PHLDB1: variants seen among roughly 807,000 people sequenced by gnomAD.
PHLDB1 encodes the protein pleckstrin homology-like domain family B member 1.
A neutral mutation model predicts 139.3 loss-of-function variants in PHLDB1; 65 were observed. That is an observed-to-expected ratio of 0.47 (90% CI 0.38 to 0.57). PHLDB1 has a LOEUF of 0.57. Among genes scored for constraint, PHLDB1 ranks in the 20% least tolerant of loss-of-function variants. PHLDB1 has a pLI of 0.00. For missense variants in PHLDB1, 1,624 were observed against 1,839.7 expected (o/e 0.88, Z 2.14); for synonymous variants, 679 against 734.5 (o/e 0.92, Z 1.22).
At chr11:118,629,838 C>T in intron 6 of PHLDB1, 1 of 368,626 alleles carries the variant, frequency 2.7e-6, no homozygotes, top group South Asian at 2.2e-5. Flanking sequence ...ACTCCTCCAT[C>T]AGTTTTCCCA....
Position 118,607,687 on chromosome 11 carries a change from C to CG in PHLDB1, c.-34_-33insG, listed in dbSNP as rs1339982897. Reference sequence around the variant, plus strand: ...AAGGGACCAGTGTCTCCCTGCCCCCCCCCCACCTCTAGGTAAGAGCGCCCC... The same window carrying CG: ...AAGGGACCAGTGTCTCCCTGCCCCCCGCCCCACCTCTAGGTAAGAGCGCCCC... On this transcript the variant is annotated 5_prime_UTR_variant, in exon 1 of 23. Coordinates refer to ENST00000600882, the MANE Select transcript of PHLDB1 (RefSeq NM_001144758.3). The CG allele has an allele frequency of 3.3e-5, 5 of 151,438 alleles. No homozygotes were observed. Among genetic ancestry groups the CG allele is most frequent in the Non-Finnish European group, 7.3e-5 (5 of 68,070 alleles). The allele number at this position is 151,438 out of a possible 1,614,324, so 9.4% of individuals were successfully genotyped here.
intron 20 of PHLDB1, chr11:118,652,928 C>T (rs1555138673): frequency 6.6e-6 from 1 of 152,446 alleles, no homozygotes; most frequent in African/African-American, 2.4e-5. Context: ...GGAAGGAAGC[C>T]AGCCAAAGGA....
In PHLDB1 at chr11:118,608,369, C is replaced by T. The variant is rs1321334547; in HGVS notation, c.-22+670C>T. Among the ~76,000 whole-genome samples, 1 of 152,150 alleles carries T rather than the reference C, an allele frequency of 6.6e-6. No individual in the cohort carries two copies. The highest frequency in any genetic ancestry group is 1.5e-5 in the Non-Finnish European group (1 of 67,994). ...GCCCGCGCGGTCCCTATTGGAATCC[C>T]TAGCGGAGTTCCCCGAGCGGAGGCT... On this transcript the variant is annotated intron_variant, in intron 1 of 22. Transcript: ENST00000600882. The surrounding 1 kb of genome is among the most constrained non-coding windows in gnomAD (Gnocchi z 6.7).
intron 15 of PHLDB1, chr11:118,644,648 C>T (rs782231962): frequency 1.0e-5 from 13 of 1,288,946 alleles, no homozygotes; most frequent in South Asian, 7.4e-5. Context: ...CCACGCCAGT[C>T]GAGTCGCTTC....
At chr11:118,635,237 G>GCAAGGC (rs781823213) in intron 9 of PHLDB1, 156 bp from the exon 10 acceptor site, 38 of 888,530 alleles carry the variant, frequency 4.3e-5, no homozygotes, top group Admixed American at 7.4e-5. Flanking sequence ...CCGCAAAAGG[G>GCAAGGC]CAAGGCCAAG....
At chr11:118,635,326 C>T in intron 9 of PHLDB1, 67 bp from the exon 10 acceptor site, 1 of 1,498,238 alleles carries the variant, frequency 6.7e-7, no homozygotes, top group African/African-American at 1.4e-5. Flanking sequence ...GCCCCTGTGG[C>T]CTGGTCTTCC....
At chr11:118,622,392 C>G (rs545193371) in intron 4 of PHLDB1, among the ~76,000 whole-genome samples, 3 of 152,344 alleles carry the variant, frequency 2.0e-5, no homozygotes, top group Admixed American at 1.3e-4. Context: ...CTGGGCTGCT[C>G]TCAGTCCTGC....
At chr11:118,624,754 C>A (rs1330088618) in intron 4 of PHLDB1, 180 bp from the exon 5 acceptor site, 2 of 580,652 alleles carry the variant, frequency 3.4e-6, no homozygotes, top group South Asian at 1.9e-5. Flanking sequence ...GGATTACAGG[C>A]GTCCACCACC....
chr11:118,635,673 A>G, intron 10 of PHLDB1, 125 bp downstream of exon 10: 1 of 849,974 alleles, frequency 1.2e-6, no homozygotes, highest in Non-Finnish European at 1.7e-6. Flanking sequence ...TAAAATGAGA[A>G]TTACAACAGG....
Position 118,627,946 on chromosome 11 carries a change from CCCA to C in PHLDB1, c.1127_1129del (p.Thr376del). On this transcript the variant is annotated inframe_deletion, in exon 6 of 23. Transcript: ENST00000600882. ...CCCAGCTTCTGGTGCTCTCAGTCAA[CCCA>C]CCAGCATTCCTGGCAGCCCCAAGTT... 6.2e-7 allele frequency: 1 copy of C among 1,613,552 alleles called. No homozygotes were observed. Among genetic ancestry groups the C allele is most frequent in the Non-Finnish European group, 8.5e-7 (1 of 1,180,000 alleles).
In PHLDB1 at chr11:118,625,102, T is replaced by TGCA. The variant is rs781956506; in HGVS notation, c.481+48_481+50dup. The TGCA allele has an allele frequency of 3.0e-5, 46 of 1,546,600 alleles. No individual in the cohort carries two copies. The South Asian group carries it at 5.7e-4, about 19-fold the overall frequency. ...CAGGGTGCTGGGTTGATGGTGTTCCTGCAGCAGTCCTCCTCCTTGCTCACT... is the reference window on the plus strand; with the variant it reads ...CAGGGTGCTGGGTTGATGGTGTTCCTGCAGCAGCAGTCCTCCTCCTTGCTCACT... On this transcript the variant is annotated intron_variant, in intron 5 of 22. Coordinates refer to ENST00000600882, the MANE Select transcript of PHLDB1 (RefSeq NM_001144758.3).
At chr11:118,609,640 G>A (rs782253173) in intron 1 of PHLDB1, among the ~76,000 whole-genome samples, 2 of 152,228 alleles carry the variant, frequency 1.3e-5, no homozygotes, top group South Asian at 4.1e-4. Flanking sequence ...AACGGGCGGT[G>A]TCTGTGGGGG....
At position 118,647,927 on chromosome 11, in the gene PHLDB1, C is replaced by T. The variant is rs1555130805; in HGVS notation, c.3508-3C>T. 6.4e-7 allele frequency: 1 copy of T among 1,562,988 alleles called. No homozygotes were observed. The highest frequency in any genetic ancestry group is 8.7e-7 in the Non-Finnish European group (1 of 1,154,196). On this transcript the variant is annotated splice_polypyrimidine_tract_variant and splice_region_variant and intron_variant, in intron 17 of 22. Coordinates refer to ENST00000600882, the MANE Select transcript of PHLDB1 (RefSeq NM_001144758.3). Reference sequence around the variant, plus strand: ...GGTGCTGACCCCTTGGCTTTGGGGGCAGGAGCGGGAGATGGAGCTGCGGCG... The same window carrying T: ...GGTGCTGACCCCTTGGCTTTGGGGGTAGGAGCGGGAGATGGAGCTGCGGCG...
Position 118,650,858 on chromosome 11 carries a change from G to A in PHLDB1, c.3874+311G>A, listed in dbSNP as rs573531197. The A allele has an allele frequency of 5.1e-6, 2 of 389,000 alleles. No homozygotes were observed. Among genetic ancestry groups the A allele is most frequent in the East Asian group, 1.1e-4 (2 of 18,038 alleles). The allele number at this position is 389,000 out of a possible 1,614,324, so 24.1% of individuals were successfully genotyped here. On this transcript the variant is annotated intron_variant, in intron 20 of 22. Coordinates refer to ENST00000600882, the MANE Select transcript of PHLDB1 (RefSeq NM_001144758.3). The surrounding 1 kb of genome is among the most constrained non-coding windows in gnomAD (Gnocchi z 4.7). ...AGCTTATAATCAGGGAAGCAGACAA[G>A]AGTGATAACCACGCACAATGGGTAT...
intron 21 of PHLDB1, 44 bp from the exon 22 acceptor site, chr11:118,655,816 C>G: frequency 1.3e-6 from 2 of 1,587,202 alleles, no homozygotes; most frequent in Non-Finnish European, 1.7e-6. Flanking sequence ...AGTCCTTGTT[C>G]TCTTTGTCAA....
intron 1 of PHLDB1, among the ~76,000 whole-genome samples, chr11:118,612,532 C>T (rs959320652): frequency 6.6e-6 from 1 of 152,160 alleles, no homozygotes; most frequent in Non-Finnish European, 1.5e-5. Context: ...AGGTTAATGG[C>T]GTTTTCCCTC....
chr11:118,630,128 G>A lies in PHLDB1; in HGVS notation c.1828-1079G>A, dbSNP rs544832902. 10 of 1,186,750 alleles carry A rather than the reference G, an allele frequency of 8.4e-6. No individual in the cohort carries two copies. In the African/African-American group the frequency reaches 9.4e-5, roughly 11 times the overall value. 73.5% of individuals were successfully genotyped at this position (1,186,750 alleles called of 1,614,324 possible). A position where few individuals can be genotyped will look rare whatever the true frequency, so the allele number is the denominator to read the frequency against. On this transcript the variant is annotated intron_variant, in intron 6 of 22. Coordinates refer to ENST00000600882, the MANE Select transcript of PHLDB1 (RefSeq NM_001144758.3). ...CTCCAGCCTTCTCTCCACTTCCTGC[G>A]GTTTGGGTTCATGGCCAAACTGTAA...
intron 12 of PHLDB1, chr11:118,641,652 C>T (rs1246193423): frequency 1.6e-6 from 2 of 1,288,272 alleles, no homozygotes; most frequent in Non-Finnish European, 2.0e-6. Flanking sequence ...TGCGGGGCAC[C>T]TCGCCCATGC....
intron 12 of PHLDB1, chr11:118,640,209 T>C (rs1261406405): frequency 6.5e-6 from 1 of 153,188 alleles, no homozygotes; most frequent in Non-Finnish European, 1.5e-5. Flanking sequence ...TGCATATTTA[T>C]TTGCCATGCA....
Sources: allele counts gnomAD v4.1 joint callset (sites outside exome capture counted in the v4.1 genomes callset), GRCh38; gene constraint gnomAD v4.1.1; non-coding constraint Gnocchi (gnomAD v3.1); transcripts MANE v1.5; gene names NCBI Gene and HGNC (gene_info 2026-07-23, HGNC 2026-07-21).